The following MAST4 variants were observed in gnomAD, a reference collection of about 807,000 sequenced individuals.
The protein encoded by MAST4 is microtubule associated serine/threonine kinase family member 4.
Under a neutral mutation model 162.7 loss-of-function variants are expected in MAST4, and 89 were observed. That is an observed-to-expected ratio of 0.55 (90% confidence interval 0.46 to 0.65). The LOEUF is 0.65. Among genes scored for constraint, MAST4 ranks in the 30% least tolerant of loss-of-function variants. MAST4 has a pLI of 0.00. For missense variants in MAST4, 3,153 were observed against 3,374.0 expected (o/e 0.93, Z 1.62); for synonymous variants, 1,479 against 1,361.1 (o/e 1.09, Z -1.91).
At chr5:66,916,309 CT>C (rs1381861481) in intron 4 of MAST4, among the ~76,000 whole-genome samples, 2 of 152,094 alleles carry the variant, frequency 1.3e-5, no homozygotes, top group African/African-American at 4.8e-5. Context: ...AACTACATGG[CT>C]GATACACAGG....
At chr5:66,812,695 G>A (rs550255748) in intron 3 of MAST4, among the ~76,000 whole-genome samples, 11 of 152,320 alleles carry the variant, frequency 7.2e-5, no homozygotes, top group Non-Finnish European at 1.2e-4. Context: ...GTAAAAGGCT[G>A]TGGTTTGCTT....
intron 1 of MAST4, among the ~76,000 whole-genome samples, chr5:66,637,721 T>A (rs1580066776): frequency 6.6e-6 from 1 of 152,202 alleles, no homozygotes; most frequent in South Asian, 2.1e-4. Context: ...CTTTTTTTCT[T>A]TTGAGACAGG....
At position 67,165,371 on chromosome 5, in the gene MAST4, T is replaced by A. The variant is rs1773757462; in HGVS notation, c.6192T>A (p.Ala2064=). 4 of 1,613,684 alleles carry A rather than the reference T, an allele frequency of 2.5e-6. No homozygotes were observed. The East Asian group carries it at 8.9e-5, about 36-fold the overall frequency. The part of the protein sequence containing the change: ...PPRDNSSLHS[A]GIPCEKELGK... The stretch of plus-strand genomic sequence containing the variant: ...GAGACAACTCCTCTCTGCACTCAGC[T>A]GGAATTCCCTGTGAGAAGGAGCTGG... Residue 2064 remains alanine, a synonymous_variant, in exon 29 of 29, where the codon GCT becomes GCA. Coordinates refer to ENST00000403625, the MANE Select transcript of MAST4 (RefSeq NM_001164664.2).
chr5:66,700,338 C>A (rs778775089), intron 1 of MAST4, among the ~76,000 whole-genome samples: 9 of 152,082 alleles, frequency 5.9e-5, no homozygotes, highest in Non-Finnish European at 1.3e-4. Flanking sequence ...TTTGTTCTCG[C>A]TCTTTTTTTT....
intron 3 of MAST4, among the ~76,000 whole-genome samples, chr5:66,835,027 C>T (rs943151520): frequency 6.6e-6 from 1 of 152,052 alleles, no homozygotes; most frequent in Non-Finnish European, 1.5e-5. Flanking sequence ...GTGCTATCAC[C>T]GGAATGCAAT....
chr5:66,606,958 TTTAAA>T (rs1196745160), intron 1 of MAST4, among the ~76,000 whole-genome samples: 49 of 148,754 alleles, frequency 3.3e-4, no homozygotes, highest in South Asian at 2.2e-3. Context: ...AATATACTCA[TTTAAA>T]TTAAATATTA....
chr5:67,042,630 T>C (rs1348061234), intron 4 of MAST4, among the ~76,000 whole-genome samples: 1 of 152,134 alleles, frequency 6.6e-6, no homozygotes, highest in East Asian at 1.9e-4. Context: ...CACTAAAGTA[T>C]AGGATAAACA....
intron 6 of MAST4, among the ~76,000 whole-genome samples, chr5:67,093,163 G>T (rs1204315092): frequency 2.0e-5 from 3 of 152,104 alleles, no homozygotes; most frequent in South Asian, 2.1e-4. Flanking sequence ...TGAAATGAGG[G>T]TTGTTATTTT....
chr5:66,684,211 C>G (rs1215219511), intron 1 of MAST4, among the ~76,000 whole-genome samples: 4 of 152,154 alleles, frequency 2.6e-5, no homozygotes, highest in Non-Finnish European at 5.9e-5. Flanking sequence ...CCAAATAGGG[C>G]ACAGATCTAA....
intron 5 of MAST4, among the ~76,000 whole-genome samples, chr5:67,085,817 T>G (rs1453840937): frequency 6.6e-6 from 1 of 152,128 alleles, no homozygotes; most frequent in Admixed American, 6.5e-5. Context: ...GAAAGGGAGA[T>G]TCCTAGCTCT....
chr5:67,004,903 T>A (rs897215050), intron 4 of MAST4: 12 of 686,910 alleles, frequency 1.7e-5, no homozygotes, highest in African/African-American at 9.0e-5. Context: ...ATTTTTTTTT[T>A]ATTTTTGGCC....
chr5:67,160,624 G>A (rs773727422), intron 27 of MAST4, 32 bp downstream of exon 27: 4 of 1,602,128 alleles, frequency 2.5e-6, no homozygotes, highest in Admixed American at 1.7e-5. Flanking sequence ...TTTAAGTTTG[G>A]TGTATACCTA....
chr5:66,850,704 A>G (rs1444599396), intron 3 of MAST4, among the ~76,000 whole-genome samples: 1 of 152,184 alleles, frequency 6.6e-6, no homozygotes, highest in Non-Finnish European at 1.5e-5. Context: ...AAGGTGTCTC[A>G]TTATATGCAA....
At chr5:66,953,033 T>C (rs1159581609) in intron 4 of MAST4, among the ~76,000 whole-genome samples, 1 of 152,332 alleles carries the variant, frequency 6.6e-6, no homozygotes, top group East Asian at 1.9e-4. Context: ...TGAATAAAAG[T>C]GTATTAAATG....
intron 3 of MAST4, among the ~76,000 whole-genome samples, chr5:66,829,964 A>G (rs775400468): frequency 2.0e-5 from 3 of 152,170 alleles, no homozygotes; most frequent in Admixed American, 6.5e-5. Context: ...TACCTCCTTA[A>G]TGAATTTCAG....
At chr5:67,100,703 T>G in intron 8 of MAST4, 111 bp downstream of exon 8, 1 of 1,226,930 alleles carries the variant, frequency 8.2e-7, no homozygotes, top group South Asian at 1.4e-5. Context: ...ACTTGCAAAC[T>G]ATTACAAATA....
At chr5:67,019,377 C>G in intron 4 of MAST4, among the ~76,000 whole-genome samples, 1 of 152,210 alleles carries the variant, frequency 6.6e-6, no homozygotes, top group East Asian at 1.9e-4. Flanking sequence ...ATTTGGATCT[C>G]TCTTGAAATG....
At chr5:66,997,544 G>T (rs933227997) in intron 4 of MAST4, among the ~76,000 whole-genome samples, 2 of 149,826 alleles carry the variant, frequency 1.3e-5, no homozygotes, top group African/African-American at 4.9e-5. Flanking sequence ...CAATTCTCCT[G>T]TCTCAGCCTC....
intron 1 of MAST4, among the ~76,000 whole-genome samples, chr5:66,715,037 C>T (rs1217840357): frequency 6.6e-6 from 1 of 152,198 alleles, no homozygotes; most frequent in East Asian, 1.9e-4. Flanking sequence ...TTCCAAGAGG[C>T]ACTGGGCCCA....
Sources: gnomAD v4.1 joint callset for allele counts (sites outside exome capture counted in the v4.1 genomes callset) on GRCh38, gnomAD v4.1.1 for gene constraint, MANE v1.5 for transcripts, NCBI Gene and HGNC (gene_info 2026-07-23, HGNC 2026-07-21) for gene names.